The following NUBPL variants were observed in gnomAD, a reference collection of about 807,000 sequenced individuals.
The protein encoded by NUBPL is NUBP iron-sulfur cluster assembly factor, mitochondrial.
Under a neutral mutation model 45.7 loss-of-function variants are expected in NUBPL, and 31 were observed. The ratio of observed to expected loss-of-function variants is 0.68; its 90% CI spans 0.51 to 0.92. The LOEUF is 0.92. NUBPL is among the 40% of genes least tolerant of loss of function. NUBPL has a pLI of 0.00. For missense variants in NUBPL, 401 were observed against 398.7 expected, an observed-to-expected ratio of 1.01 and a Z score of -0.05; for synonymous variants, 144 against 140.9, an observed-to-expected ratio of 1.02 and a Z score of -0.15.
At chr14:31,729,965 G>C (rs2038013900) in intron 6 of NUBPL, among the ~76,000 whole-genome samples, 1 of 152,046 alleles carries the variant, frequency 6.6e-6, no homozygotes, top group Non-Finnish European at 1.5e-5. Context: ...TCACTATTAA[G>C]AGTGATGTAT....
At chr14:31,845,180 C>T (rs921064016) in intron 8 of NUBPL, 1 of 152,140 alleles carries the variant, frequency 6.6e-6, no homozygotes, top group African/African-American at 2.4e-5. Flanking sequence ...GTGGACCCCC[C>T]ACAGTTCAAA....
At chr14:31,589,499 A>G (rs1403740311) in intron 3 of NUBPL, among the ~76,000 whole-genome samples, 2 of 152,220 alleles carry the variant, frequency 1.3e-5, no homozygotes, top group African/African-American at 4.8e-5. Context: ...TTATAAGAAT[A>G]ATTCAGTGTA....
chr14:31,594,435 C>G (rs2034229685), intron 3 of NUBPL, among the ~76,000 whole-genome samples: 2 of 152,118 alleles, frequency 1.3e-5, no homozygotes. Flanking sequence ...AAGAAATCTG[C>G]CATTTATCTT....
chr14:31,715,319 G>T (rs776007194), intron 6 of NUBPL, among the ~76,000 whole-genome samples: 13 of 152,012 alleles, frequency 8.6e-5, no homozygotes, highest in Non-Finnish European at 1.5e-4. Context: ...ACTTTTATAG[G>T]CTTAGAAACT....
chr14:31,735,713 G>A (rs572319577), intron 6 of NUBPL, among the ~76,000 whole-genome samples: 1 of 152,058 alleles, frequency 6.6e-6, no homozygotes, highest in South Asian at 2.1e-4. Context: ...TTAGCCGGGC[G>A]TCGTCGCGCA....
chr14:31,638,625 A>C (rs2035581952), intron 4 of NUBPL, among the ~76,000 whole-genome samples: 1 of 151,986 alleles, frequency 6.6e-6, no homozygotes, highest in African/African-American at 2.4e-5. Flanking sequence ...CCTGAATGTG[A>C]ATGTTGGCCT....
chr14:31,641,474 C>G (rs2035697336), intron 4 of NUBPL, among the ~76,000 whole-genome samples: 1 of 152,098 alleles, frequency 6.6e-6, no homozygotes, highest in Admixed American at 6.5e-5. Context: ...GTAATGACCT[C>G]CAGCTTCACT....
chr14:31,703,136 AG>A (rs1275863616), intron 6 of NUBPL: 1 of 152,264 alleles, frequency 6.6e-6, no homozygotes, highest in African/African-American at 2.4e-5. Flanking sequence ...TTTGTTAAAA[AG>A]CTTTAGAGCA....
At chr14:31,628,838 G>C (rs7150851) in intron 4 of NUBPL, among the ~76,000 whole-genome samples, 22,855 of 152,124 alleles carry the variant, frequency 0.15, 4,861 homozygotes, top group African/African-American at 0.48. Flanking sequence ...GTGATAAATT[G>C]AATAATTTTT....
At chr14:31,718,070 GAGT>G (rs1264932240) in intron 6 of NUBPL, among the ~76,000 whole-genome samples, 1 of 152,152 alleles carries the variant, frequency 6.6e-6, no homozygotes, top group African/African-American at 2.4e-5. Flanking sequence ...TGCTTTCCAA[GAGT>G]CACTAACTGG....
At chr14:31,662,259 T>C (rs1595454828) in intron 4 of NUBPL, 2 of 114,154 alleles carry the variant, frequency 1.8e-5, no homozygotes, top group Non-Finnish European at 3.0e-5. Flanking sequence ...GCATTAAAAT[T>C]ATTAATTTTT....
chr14:31,686,659 A>G (rs991526790), intron 6 of NUBPL: 1 of 152,218 alleles, frequency 6.6e-6, no homozygotes, highest in Non-Finnish European at 1.5e-5. Context: ...CCTTTTCTCC[A>G]TATCCTCGCC....
At chr14:31,859,037 G>A in intron 10 of NUBPL, 81 bp from the exon 11 acceptor site, 1 of 1,162,940 alleles carries the variant, frequency 8.6e-7, no homozygotes, top group Non-Finnish European at 1.3e-6. Context: ...AAATACAGTG[G>A]GCCTCTATAA....
At chr14:31,721,931 C>G (rs564088950) in intron 6 of NUBPL, among the ~76,000 whole-genome samples, 38 of 152,284 alleles carry the variant, frequency 2.5e-4, no homozygotes, top group African/African-American at 9.1e-4. Context: ...ATCCACGTTC[C>G]TGCAAAATAC....
At chr14:31,619,654 C>T (rs976437224) in intron 4 of NUBPL, among the ~76,000 whole-genome samples, 1 of 152,164 alleles carries the variant, frequency 6.6e-6, no homozygotes. Context: ...GAGAGATCCG[C>T]TGTTAGTCTG....
intron 6 of NUBPL, among the ~76,000 whole-genome samples, chr14:31,778,613 A>G (rs991409983): frequency 6.6e-6 from 1 of 152,242 alleles, no homozygotes; most frequent in African/African-American, 2.4e-5. Flanking sequence ...TCCCAGGTTG[A>G]TATAATTTTT....
At chr14:31,641,958 CT>C (rs1365592282) in intron 4 of NUBPL, among the ~76,000 whole-genome samples, 9 of 152,032 alleles carry the variant, frequency 5.9e-5, no homozygotes. Context: ...TAAAAATATA[CT>C]TGTTGGCCTT....
chr14:31,850,698 G>T (rs1312134635), intron 10 of NUBPL, among the ~76,000 whole-genome samples: 1 of 151,964 alleles, frequency 6.6e-6, no homozygotes, highest in Non-Finnish European at 1.5e-5. Context: ...CCAGCTCACT[G>T]CAGCCTTGAC....
At chr14:31,611,823 A>G (rs539356918) in intron 4 of NUBPL, among the ~76,000 whole-genome samples, 22 of 152,362 alleles carry the variant, frequency 1.4e-4, no homozygotes, top group African/African-American at 4.8e-4. Flanking sequence ...AGTGGGGGAA[A>G]AGATGGTCTC....
Sources: gnomAD v4.1 joint callset for allele counts (sites outside exome capture counted in the v4.1 genomes callset) on GRCh38, gnomAD v4.1.1 for gene constraint, MANE v1.5 for transcripts, NCBI Gene and HGNC (gene_info 2026-07-23, HGNC 2026-07-21) for gene names.